CD109: variants seen among roughly 807,000 people sequenced by gnomAD.
The protein encoded by CD109 is CD109 antigen.
Under a neutral mutation model 165.8 loss-of-function variants are expected in CD109, and 149 were observed. The ratio of observed to expected loss-of-function variants is 0.90; its 90% confidence interval spans 0.79 to 1.03. The LOEUF (loss-of-function observed/expected upper bound fraction) is 1.03, where lower values mean the gene tolerates loss of function less well. Among genes scored for constraint, CD109 ranks in the 50% least tolerant of loss-of-function variants. The probability of loss-of-function intolerance (pLI) is 0.00; values close to 1 mark genes in which losing one functional copy is unlikely to be tolerated. For missense variants in CD109, 1,712 were observed against 1,677.8 expected (o/e 1.02, Z -0.36); for synonymous variants, 585 against 592.1 (o/e 0.99, Z 0.18).
intron 3 of CD109, among the ~76,000 whole-genome samples, chr6:73,729,807 C>A (rs1456966885): frequency 2.6e-5 from 4 of 152,028 alleles, no homozygotes; most frequent in Non-Finnish European, 5.9e-5. Flanking sequence ...AGTTAACGTG[C>A]CTGGGAAGGA....
intron 22 of CD109, among the ~76,000 whole-genome samples, chr6:73,791,152 T>TATAC (rs1774927244): frequency 1.7e-5 from 1 of 58,394 alleles, no homozygotes. Context: ...TATATATATA[T>TATAC]ATATATATAT....
Position 73,804,571 on chromosome 6 carries a change from C to T in CD109, c.2960+1270C>T, listed in dbSNP as rs115350467. Among the ~76,000 whole-genome samples, 1,192 of 152,250 alleles carry T rather than the reference C, an allele frequency of 7.8e-3. 20 individuals carry two copies. Among genetic ancestry groups the T allele is most frequent in the African/African-American group, 0.027 (1,127 of 41,546 alleles). On this transcript the variant is annotated intron_variant, in intron 24 of 32. Coordinates refer to ENST00000287097, the MANE Select transcript of CD109 (RefSeq NM_133493.5). ...CAGGTGGGGGCTGGGTTGGTGCACA[C>T]ATAAACAGGCCCTGGGCTGTATTTG...
chr6:73,756,853 A>G (rs1773412517), intron 6 of CD109, among the ~76,000 whole-genome samples, 171 bp downstream of exon 6: 1 of 152,090 alleles, frequency 6.6e-6, no homozygotes, highest in South Asian at 2.1e-4. Flanking sequence ...AAATTCTAAA[A>G]TCTCATTATA....
chr6:73,764,880 G>C (rs569438073), intron 10 of CD109, among the ~76,000 whole-genome samples: 1 of 151,892 alleles, frequency 6.6e-6, no homozygotes, highest in African/African-American at 2.4e-5. Context: ...TGTTGAATGG[G>C]TCGGTAGACG....
At chr6:73,787,179 A>G in intron 20 of CD109, 55 bp from the exon 21 acceptor site, 2 of 1,121,422 alleles carry the variant, frequency 1.8e-6, no homozygotes, top group Admixed American at 2.0e-5. Context: ...ATAAAAGAGC[A>G]CTTTACTGAA....
In CD109 at chr6:73,826,505, G is replaced by C. The variant is rs1776281420; in HGVS notation, c.*2872G>C. Reference sequence around the variant, plus strand: ...CTAGTAGCCAAACAATTCTAGGACAGAATAACATTTTTATATTTGGTTCCA... The same window carrying C: ...CTAGTAGCCAAACAATTCTAGGACACAATAACATTTTTATATTTGGTTCCA... On this transcript the variant is annotated 3_prime_UTR_variant, in exon 33 of 33. Transcript: ENST00000287097. The C allele has an allele frequency of 6.6e-6, 1 of 152,088 alleles. No individual in the cohort carries two copies. The highest frequency in any genetic ancestry group is 2.4e-5 in the African/African-American group (1 of 41,416). 9.4% of individuals were successfully genotyped at this position (152,088 alleles called of 1,614,324 possible). A position where few individuals can be genotyped will look rare whatever the true frequency, so the allele number is the denominator to read the frequency against.
At chr6:73,687,423 T>C in the CD109 span, among the ~76,000 whole-genome samples, 1 of 151,174 alleles carries the variant, frequency 6.6e-6, no homozygotes, top group Admixed American at 6.6e-5. Context: ...ACATGCATGC[T>C]CTCTCTCTTC....
upstream of CD109, chr6:73,696,015 T>C: frequency 1.9e-6 from 1 of 538,818 alleles, no homozygotes; most frequent in South Asian, 2.1e-5. Context: ...AGAAGCGCCA[T>C]TGTAATGGGG....
the CD109 span, among the ~76,000 whole-genome samples, chr6:73,689,533 C>T: frequency 6.6e-6 from 1 of 152,164 alleles, no homozygotes; most frequent in East Asian, 1.9e-4. Context: ...GTGGGAAAAC[C>T]ACTTTGGTTC....
At chr6:73,804,927 A>G (rs1479560857) in intron 24 of CD109, among the ~76,000 whole-genome samples, 2 of 152,236 alleles carry the variant, frequency 1.3e-5, no homozygotes, top group Non-Finnish European at 2.9e-5. Context: ...CATCAGAGAA[A>G]TGTAAATCAA....
intron 15 of CD109, among the ~76,000 whole-genome samples, chr6:73,780,016 GTT>G (rs34783798): frequency 4.0e-4 from 55 of 138,288 alleles, no homozygotes; most frequent in South Asian, 9.0e-4. Flanking sequence ...TGCCTCTTCA[GTT>G]TTTTTTTTTT....
chr6:73,821,997 G>A (rs1264506573), intron 32 of CD109, among the ~76,000 whole-genome samples: 1 of 152,188 alleles, frequency 6.6e-6, no homozygotes, highest in African/African-American at 2.4e-5. Flanking sequence ...GTGTTTTGCC[G>A]AAACTTACAC....
chr6:73,723,200 C>T (rs56093139), intron 2 of CD109, 51 bp from the exon 3 acceptor site: 642,023 of 1,608,100 alleles, frequency 0.4, 134,800 homozygotes, highest in Non-Finnish European at 0.43. Context: ...TGTATTCTAT[C>T]ATCATATTCA....
At chr6:73,744,072 T>A (rs1302272206) in intron 5 of CD109, among the ~76,000 whole-genome samples, 2 of 152,240 alleles carry the variant, frequency 1.3e-5, no homozygotes, top group African/African-American at 4.8e-5. Flanking sequence ...AAATTTACCA[T>A]TTTAACAATT....
chr6:73,702,365 A>G (rs1308075439), intron 2 of CD109, among the ~76,000 whole-genome samples: 1 of 152,184 alleles, frequency 6.6e-6, no homozygotes, highest in African/African-American at 2.4e-5. Context: ...AAGCTCCTGA[A>G]CATGCATTTC....
chr6:73,776,384 C>T (rs550517165), intron 15 of CD109, among the ~76,000 whole-genome samples: 2 of 151,754 alleles, frequency 1.3e-5, no homozygotes, highest in Non-Finnish European at 2.9e-5. Flanking sequence ...TCCCGAGTAG[C>T]TGGGACTACA....
At chr6:73,789,683 A>G (rs1774844005) in intron 22 of CD109, among the ~76,000 whole-genome samples, 1 of 150,380 alleles carries the variant, frequency 6.6e-6, no homozygotes, top group Middle Eastern at 3.5e-3. Context: ...GATGGTCTCC[A>G]TCTCCTGACT....
chr6:73,723,322 A>T, intron 3 of CD109, 43 bp downstream of exon 3: 1 of 1,328,798 alleles, frequency 7.5e-7, no homozygotes, highest in Non-Finnish European at 1.1e-6. Context: ...AATATATTGT[A>T]TCAGTGAACT....
chr6:73,719,794 C>T (rs1771877476), intron 2 of CD109, among the ~76,000 whole-genome samples: 1 of 152,176 alleles, frequency 6.6e-6, no homozygotes, highest in African/African-American at 2.4e-5. Flanking sequence ...AATGTTTTTA[C>T]AGGACAAAAT....
Sources: gnomAD v4.1 joint callset for allele counts (sites outside exome capture counted in the v4.1 genomes callset) on GRCh38, gnomAD v4.1.1 for gene constraint, MANE v1.5 for transcripts, NCBI Gene and HGNC (gene_info 2026-07-23, HGNC 2026-07-21) for gene names.